TRMT10A: variants seen among roughly 807,000 people sequenced by gnomAD.
The protein encoded by TRMT10A is tRNA methyltransferase 10A.
In TRMT10A, 37 loss-of-function variants were observed where a neutral mutation model predicts 40.4. The observed-to-expected ratio is 0.92, with a 90% CI of 0.71 to 1.21. The LOEUF is 1.21. Ranked by LOEUF, TRMT10A falls within the 50% of genes most tolerant of loss-of-function variation. The pLI, the probability that TRMT10A is intolerant of heterozygous loss-of-function variation, is 0.00. For missense variants in TRMT10A, 388 were observed against 404.3 expected (o/e 0.96, Z 0.35); for synonymous variants, 103 against 134.1 (o/e 0.77, Z 1.60).
chr4:99,558,067 AT>A lies in TRMT10A; in HGVS notation c.329del (p.Asp110ValfsTer3). ...ATGATACCTTTAATACCATCAAGTG[AT>A]CAAAACTACAGTCAATAATAAGGCG... ...TLRLIIDCSFDHLMVLKDIKK... is the reference protein window; with the variant it reads ...TLRLIIDCSFXHLMVLKDIKK... On this transcript the variant is annotated frameshift_variant, in exon 3 of 8. Coordinates refer to ENST00000394876, the MANE Select transcript of TRMT10A (RefSeq NM_001134665.3). LOFTEE classifies it high-confidence loss of function. 1.9e-6 allele frequency: 3 copies of A among 1,597,270 alleles called. No homozygotes were observed. Among genetic ancestry groups the A allele is most frequent in the Non-Finnish European group, 2.6e-6 (3 of 1,175,102 alleles).
chr4:99,560,890 A>G (rs1242675129), intron 1 of TRMT10A, among the ~76,000 whole-genome samples: 2 of 151,632 alleles, frequency 1.3e-5, no homozygotes, highest in Non-Finnish European at 2.9e-5. Flanking sequence ...CAGTGGCATC[A>G]TTTTCAGTTA....
intron 1 of TRMT10A, among the ~76,000 whole-genome samples, chr4:99,560,002 A>G (rs1334170668): frequency 9.2e-5 from 14 of 152,130 alleles, no homozygotes; most frequent in Admixed American, 9.2e-4. Flanking sequence ...CTAAAGTTAT[A>G]TAATGAAAAT....
chr4:99,558,988 G>A (rs1230633705), intron 2 of TRMT10A, among the ~76,000 whole-genome samples, 166 bp downstream of exon 2: 1 of 152,048 alleles, frequency 6.6e-6, no homozygotes, highest in African/African-American at 2.4e-5. Context: ...AATATACGTT[G>A]TTAGCTTCAA....
Position 99,558,143 on chromosome 4 carries a change from T to C in TRMT10A, c.254A>G (p.Asp85Gly). 1.2e-6 allele frequency: 2 copies of C among 1,612,328 alleles called. No individual in the cohort carries two copies. Among genetic ancestry groups the C allele is most frequent in the Non-Finnish European group, 1.7e-6 (2 of 1,179,320 alleles). Reference sequence around the variant, plus strand: ...TCGAACACGTTTTCTGTCATGTCCATCTGAGTTTGGTTCCATTTGACATTG... The same window carrying C: ...TCGAACACGTTTTCTGTCATGTCCACCTGAGTTTGGTTCCATTTGACATTG... ...ERQCQMEPNS[D>G]GHDRKRVRRD... The change falls in exon 3 of 8, where the codon GAT becomes GGT. Residue 85 changes from aspartate (D) to glycine (G), a missense_variant. Asp to Gly is a moderately conservative substitution (Grantham distance 94, BLOSUM62 -1). Coordinates refer to ENST00000394876, the MANE Select transcript of TRMT10A (RefSeq NM_001134665.3).
intron 3 of TRMT10A, chr4:99,557,734 C>G (rs1200993521): frequency 5.0e-6 from 2 of 402,702 alleles, no homozygotes; most frequent in Non-Finnish European, 4.4e-6. Flanking sequence ...GTTTTACCAA[C>G]AACACTGGTA....
chr4:99,561,123 C>G (rs145170316), intron 1 of TRMT10A, among the ~76,000 whole-genome samples: 2 of 151,952 alleles, frequency 1.3e-5, no homozygotes, highest in African/African-American at 4.8e-5. Context: ...CGCGCCACCA[C>G]GCCTGGCTAA....
At chr4:99,560,736 C>T (rs781026606) in intron 1 of TRMT10A, among the ~76,000 whole-genome samples, 13 of 151,976 alleles carry the variant, frequency 8.6e-5, no homozygotes, top group Non-Finnish European at 1.9e-4. Flanking sequence ...TTGCAATACA[C>T]AATACATTAA....
At position 99,547,235 on chromosome 4, in the gene TRMT10A, T is replaced by A. The variant is rs1723771555; in HGVS notation, c.*1853A>T. On this transcript the variant is annotated 3_prime_UTR_variant, in exon 8 of 8. Transcript: ENST00000394876. ...ACTATAGGCTAAGGAACAGCAGGGA[T>A]TGCTGGCAACCACCAAAAGCCAGGA... 6.6e-6 allele frequency: 1 copy of A among 152,084 alleles called. No homozygotes were observed. Among genetic ancestry groups the A allele is most frequent in the Admixed American group, 6.6e-5 (1 of 15,266 alleles). 9.4% of individuals were successfully genotyped at this position (152,084 alleles called of 1,614,324 possible).
rs972572057 is a variant in TRMT10A, at chr4:99,548,856, C to A, written c.*232G>T. 6.0e-5 allele frequency: 23 copies of A among 382,926 alleles called. No individual in the cohort carries two copies. Among genetic ancestry groups the A allele is most frequent in the Non-Finnish European group, 1.0e-4 (23 of 221,106 alleles). The allele number at this position is 382,926 out of a possible 1,614,324, so 23.7% of individuals were successfully genotyped here. On this transcript the variant is annotated 3_prime_UTR_variant, in exon 8 of 8. Coordinates refer to ENST00000394876, the MANE Select transcript of TRMT10A (RefSeq NM_001134665.3). ...CTAGAAACTACTGAGGCTTTAAAAACAAAAACAAAAAAAATCACATACACA... is the reference window on the plus strand; with the variant it reads ...CTAGAAACTACTGAGGCTTTAAAAAAAAAAACAAAAAAAATCACATACACA...
chr4:99,555,620 T>C (rs1724134264), intron 5 of TRMT10A, among the ~76,000 whole-genome samples: 1 of 152,200 alleles, frequency 6.6e-6, no homozygotes, highest in South Asian at 2.1e-4. Flanking sequence ...ATAAATATTT[T>C]AAAAATTACC....
Position 99,558,147 on chromosome 4 carries a change from AGTT to A in TRMT10A, c.247_249del (p.Asn83del). On this transcript the variant is annotated inframe_deletion, in exon 3 of 8. Transcript: ENST00000394876. ...ACACGTTTTCTGTCATGTCCATCTG[AGTT>A]TGGTTCCATTTGACATTGTCGCTCT... 6.2e-7 allele frequency: 1 copy of A among 1,611,440 alleles called. No individual in the cohort carries two copies. The highest frequency in any genetic ancestry group is 8.5e-7 in the Non-Finnish European group (1 of 1,179,066).
chr4:99,555,277 A>T (rs752349398), intron 5 of TRMT10A, among the ~76,000 whole-genome samples: 4 of 152,220 alleles, frequency 2.6e-5, no homozygotes, highest in Non-Finnish European at 4.4e-5. Flanking sequence ...GCTATTAATA[A>T]AATAAATGCC....
chr4:99,551,023 CATTAA>C (rs1335854075), intron 6 of TRMT10A, 33 bp from the exon 7 acceptor site: 1 of 1,435,826 alleles, frequency 7.0e-7, no homozygotes, highest in African/African-American at 1.4e-5. Flanking sequence ...TCGACAAGAA[CATTAA>C]ATTATTTAAA....
intron 3 of TRMT10A, 45 bp downstream of exon 3, chr4:99,558,004 G>T: frequency 2.0e-6 from 3 of 1,476,090 alleles, no homozygotes; most frequent in South Asian, 2.7e-5. Context: ...AAAATGATTC[G>T]ACCTAATTCA....
intron 1 of TRMT10A, among the ~76,000 whole-genome samples, chr4:99,562,201 A>ATATATATGTGTGTGTG (rs374134499): frequency 7.3e-6 from 1 of 136,158 alleles, no homozygotes; most frequent in African/African-American, 2.9e-5. Context: ...ATATATATAT[A>ATATATATGTGTGTGTG]TGTGTGTGTG....
chr4:99,550,877 CA>C lies in TRMT10A; in HGVS notation c.751+7del. 6.3e-7 allele frequency: 1 copy of C among 1,597,554 alleles called. No individual in the cohort carries two copies. The highest frequency in any genetic ancestry group is 1.7e-5 in the Admixed American group (1 of 59,766). ...AGGTATATTTTCAGTTTATCCCTTA[CA>C]GCTTACCATGATTAACTGCCAAAAC... is the stretch of plus-strand genomic sequence containing the variant. On this transcript the variant is annotated splice_region_variant and intron_variant, in intron 7 of 7. Coordinates refer to ENST00000394876, the MANE Select transcript of TRMT10A (RefSeq NM_001134665.3).
chr4:99,560,220 T>G (rs1724334615), intron 1 of TRMT10A, among the ~76,000 whole-genome samples: 1 of 152,086 alleles, frequency 6.6e-6, no homozygotes, highest in African/African-American at 2.4e-5. Flanking sequence ...GCTGAAATAT[T>G]TCAGAGAGGT....
chr4:99,562,201 A>ATATATATGTG (rs374134499), intron 1 of TRMT10A, among the ~76,000 whole-genome samples: 2 of 136,158 alleles, frequency 1.5e-5, no homozygotes, highest in African/African-American at 2.9e-5. Flanking sequence ...ATATATATAT[A>ATATATATGTG]TGTGTGTGTG....
intron 1 of TRMT10A, among the ~76,000 whole-genome samples, chr4:99,559,897 C>G (rs1302161634): frequency 2.6e-5 from 4 of 151,980 alleles, no homozygotes; most frequent in African/African-American, 9.7e-5. Context: ...ATACATTAAA[C>G]AAAATCAAAG....
Sources: gnomAD v4.1 joint callset for allele counts (sites outside exome capture counted in the v4.1 genomes callset) on GRCh38, gnomAD v4.1.1 for gene constraint, MANE v1.5 for transcripts, NCBI Gene and HGNC (gene_info 2026-07-23, HGNC 2026-07-21) for gene names.